Variants in ABCC6 observed in about 807,000 individuals in gnomAD.
ABCC6 encodes ATP-binding cassette sub-family C member 6.
A neutral mutation model predicts 169.5 loss-of-function variants in ABCC6; 126 were observed. The observed-to-expected ratio is 0.74, with a 90% CI of 0.64 to 0.86. ABCC6 has a LOEUF of 0.86. ABCC6 is among the 40% of genes least tolerant of loss of function. The probability of loss-of-function intolerance (pLI) is 0.00; values close to 1 mark genes in which losing one functional copy is unlikely to be tolerated. For synonymous variants in ABCC6, 752 were observed against 814.7 expected (o/e 0.92, Z 1.31); for missense variants, 1,733 against 1,927.2 (o/e 0.90, Z 1.89).
intron 6 of ABCC6, among the ~76,000 whole-genome samples, chr16:16,211,949 G>A (rs949261305): frequency 6.0e-5 from 9 of 149,902 alleles, no homozygotes; most frequent in African/African-American, 2.2e-4. Flanking sequence ...GGAGGTTTGC[G>A]ACATGGCCTG....
At chr16:16,204,837 C>CTTT (rs869245358) in intron 7 of ABCC6, among the ~76,000 whole-genome samples, 1 of 140,184 alleles carries the variant, frequency 7.1e-6, no homozygotes, top group Non-Finnish European at 1.6e-5. Context: ...TTTTTCTTTT[C>CTTT]TTTTTTTTTT....
intron 22 of ABCC6, 53 bp downstream of exon 22, chr16:16,169,593 C>T: frequency 1.3e-6 from 2 of 1,594,602 alleles, no homozygotes; most frequent in Non-Finnish European, 1.7e-6. Context: ...GAGTCCTGAG[C>T]ACCCCTTGGT....
chr16:16,186,096 G>A (rs930297132), intron 14 of ABCC6, among the ~76,000 whole-genome samples: 4 of 152,212 alleles, frequency 2.6e-5, no homozygotes, highest in African/African-American at 7.2e-5. Context: ...CCACAGGCTC[G>A]GCTTCTTACC....
chr16:16,150,485 C>A, intron 30 of ABCC6, 93 bp downstream of exon 30: 7 of 1,522,840 alleles, frequency 4.6e-6, no homozygotes, highest in Non-Finnish European at 6.2e-6. Flanking sequence ...CCCTCCAGCT[C>A]TAACCCGAAG....
At chr16:16,220,650 C>T (rs574324153) in intron 2 of ABCC6, among the ~76,000 whole-genome samples, 30 of 152,306 alleles carry the variant, frequency 2.0e-4, no homozygotes, top group African/African-American at 6.5e-4. Context: ...AATCCCAGCA[C>T]TTTGGCAGGC....
intron 29 of ABCC6, among the ~76,000 whole-genome samples, chr16:16,154,424 A>T (rs1033904350): frequency 6.6e-6 from 1 of 152,200 alleles, no homozygotes; most frequent in African/African-American, 2.4e-5. Context: ...TAAATATAGA[A>T]GACTAACTGC....
rs34511090 is a variant in ABCC6 at position 16,160,628 on chromosome 16, CAAAAAAAAAAAAA to C, written c.3633+797_3633+809del. On this transcript the variant is annotated intron_variant, in intron 25 of 30. Transcript: ENST00000205557. Reference sequence around the variant, plus strand: ...GGCAACATGGTGAAACTGTTTCTACCAAAAAAAAAAAAAAAAAAAAAAAAAAAATTAGCCAGGC... The same window carrying C: ...GGCAACATGGTGAAACTGTTTCTACCAAAAAAAAAAAAAAATTAGCCAGGC... Among the ~76,000 whole-genome samples the C allele has an allele frequency of 9.0e-4, 69 of 76,398 alleles. 1 individual carries two copies. The highest frequency in any genetic ancestry group is 2.7e-3 in the East Asian group (6 of 2,200). 50.1% of individuals were successfully genotyped at this position (76,398 alleles called of 152,430 possible).
At chr16:16,205,307 A>G (rs2048358994) in intron 7 of ABCC6, among the ~76,000 whole-genome samples, 1 of 152,234 alleles carries the variant, frequency 6.6e-6, no homozygotes, top group Non-Finnish European at 1.5e-5. Flanking sequence ...AGATGGCGAC[A>G]GCCGCCCGAG....
At chr16:16,171,858 TTGG>T (rs1214203176) in intron 21 of ABCC6, among the ~76,000 whole-genome samples, 3 of 119,220 alleles carry the variant, frequency 2.5e-5, no homozygotes, top group African/African-American at 9.8e-5. Context: ...GATAAATGAG[TTGG>T]TGGGAGGGAT....
At position 16,192,845 on chromosome 16, in the gene ABCC6, T is replaced by G; in HGVS notation, c.1416A>C (p.Lys472Asn). The G allele has an allele frequency of 6.2e-7, 1 of 1,614,082 alleles. No individual in the cohort carries two copies. Among genetic ancestry groups the G allele is most frequent in the Non-Finnish European group, 8.5e-7 (1 of 1,179,988 alleles). Residue 472 changes from lysine (K) to asparagine (N), a missense_variant, in exon 11 of 31, where the codon AAA becomes AAC. Transcript: ENST00000205557. ...AAAGCCAAACCTGATGGTGGTTCCT[T>G]TTCTTGGAGATGAAGAAATTCAGAG... is the stretch of plus-strand genomic sequence containing the variant. ...LLPLNFFISK[K>N]RNHHQEEQMR...
intron 29 of ABCC6, among the ~76,000 whole-genome samples, chr16:16,153,529 G>A (rs2046449480): frequency 6.6e-6 from 1 of 152,114 alleles, no homozygotes; most frequent in Non-Finnish European, 1.5e-5. Context: ...TGGGCGCTGG[G>A]GGAGGGGACA....
intron 25 of ABCC6, among the ~76,000 whole-genome samples, chr16:16,160,964 G>T (rs1474328914): frequency 6.6e-6 from 1 of 152,076 alleles, no homozygotes; most frequent in African/African-American, 2.4e-5. Context: ...AATTAGCCAG[G>T]CATAGTGGCT....
intron 17 of ABCC6, among the ~76,000 whole-genome samples, chr16:16,180,686 T>G (rs2047438482): frequency 6.6e-6 from 1 of 152,082 alleles, no homozygotes; most frequent in Non-Finnish European, 1.5e-5. Context: ...AGATGGGGCT[T>G]CACCATGTTG....
chr16:16,212,403 G>A (rs963888195), intron 5 of ABCC6, among the ~76,000 whole-genome samples, 157 bp from the exon 6 acceptor site: 10 of 150,322 alleles, frequency 6.7e-5, no homozygotes, highest in African/African-American at 2.5e-5. Flanking sequence ...CTGCCTCCTG[G>A]GTTCAAGCGA....
chr16:16,188,598 G>A (rs1384037285), intron 13 of ABCC6, among the ~76,000 whole-genome samples: 1 of 152,194 alleles, frequency 6.6e-6, no homozygotes, highest in African/African-American at 2.4e-5. Flanking sequence ...TGAGGTGTGT[G>A]TGGAAAGGTC....
At chr16:16,169,555 G>A (rs1338611841) in intron 22 of ABCC6, 91 bp downstream of exon 22, 2 of 1,452,044 alleles carry the variant, frequency 1.4e-6, no homozygotes, top group Admixed American at 1.9e-5. Flanking sequence ...CAGGGGGACA[G>A]GGTGACCCAG....
At chr16:16,170,839 A>C (rs1002655467) in intron 21 of ABCC6, among the ~76,000 whole-genome samples, 12 of 141,900 alleles carry the variant, frequency 8.5e-5, no homozygotes, top group African/African-American at 3.1e-4. Flanking sequence ...GAATCGTTTG[A>C]AGCCAGGAGG....
At chr16:16,207,637 C>T (rs1212613670) in intron 7 of ABCC6, among the ~76,000 whole-genome samples, 1 of 152,134 alleles carries the variant, frequency 6.6e-6, no homozygotes, top group East Asian at 1.9e-4. Flanking sequence ...CAGGGAACTT[C>T]CCACAGAGCT....
At chr16:16,186,708 A>G (rs2047663497) in intron 14 of ABCC6, among the ~76,000 whole-genome samples, 2 of 151,090 alleles carry the variant, frequency 1.3e-5, no homozygotes, top group Admixed American at 6.6e-5. Context: ...GGTGAGTTGT[A>G]TAATTATTTC....
Sources: allele counts gnomAD v4.1 joint callset (sites outside exome capture counted in the v4.1 genomes callset), GRCh38; gene constraint gnomAD v4.1.1; transcripts MANE v1.5; gene names NCBI Gene and HGNC (gene_info 2026-07-23, HGNC 2026-07-21).